The following BLZF1 variants were observed in gnomAD, a reference collection of about 807,000 sequenced individuals.
BLZF1 encodes the protein basic leucine zipper nuclear factor 1.
In BLZF1, 39 loss-of-function variants were observed where a neutral mutation model predicts 43.8. The ratio of observed to expected loss-of-function variants is 0.89; its 90% confidence interval spans 0.69 to 1.16. The LOEUF (loss-of-function observed/expected upper bound fraction) is 1.16. Among genes scored for constraint, BLZF1 ranks in the 50% most tolerant of loss-of-function variants. The pLI is 0.00. For missense variants in BLZF1, 449 were observed against 469.8 expected, an observed-to-expected ratio of 0.96 and a Z score of 0.41; for synonymous variants, 136 against 159.4, an observed-to-expected ratio of 0.85 and a Z score of 1.11.
chr1:169,374,902 CTTAT>C (rs1654246580), intron 2 of BLZF1, among the ~76,000 whole-genome samples: 1 of 151,972 alleles, frequency 6.6e-6, no homozygotes, highest in Admixed American at 6.6e-5. Context: ...TACATGTATT[CTTAT>C]TTATTTTTAA....
At chr1:169,389,076 C>A (rs1404814065), downstream of BLZF1, among the ~76,000 whole-genome samples, 9 of 151,788 alleles carry the variant, frequency 5.9e-5, no homozygotes, top group Admixed American at 5.9e-4. Context: ...GAGCCGAGAT[C>A]GCGCCGCTGC....
chr1:169,394,463 AC>A (rs773323059), intron 7 of BLZF1, among the ~76,000 whole-genome samples: 47 of 152,014 alleles, frequency 3.1e-4, no homozygotes, highest in Non-Finnish European at 5.7e-4. Context: ...TAGTTTTTCA[AC>A]CCTTGCTCCC....
intron 2 of BLZF1, among the ~76,000 whole-genome samples, chr1:169,373,937 C>T (rs770695349): frequency 2.0e-5 from 3 of 151,966 alleles, no homozygotes; most frequent in Non-Finnish European, 4.4e-5. Context: ...GGCTGTAGTG[C>T]GTGTTTTTAT....
At position 169,382,066 on chromosome 1, in the gene BLZF1, T is replaced by C. The variant is rs748749868; in HGVS notation, c.802T>C (p.Leu268=). The C allele has an allele frequency of 1.9e-6, 3 of 1,612,864 alleles. No individual in the cohort carries two copies. The highest frequency in any genetic ancestry group is 2.2e-5 in the South Asian group (2 of 90,996). ...GTTCATGTGTGTTCTATGCAGATTA[T>C]TGGAGGAGCTCTTAGTTTCCTTGCA... The part of the protein sequence containing the change: ...RQEMIATQKL[L]EELLVSLQWG... Residue 268 remains leucine, a synonymous_variant, in exon 6 of 7, where the codon TTG becomes CTG. Coordinates refer to ENST00000367808, the MANE Select transcript of BLZF1 (RefSeq NM_001320973.2).
intron 2 of BLZF1, among the ~76,000 whole-genome samples, chr1:169,370,645 C>A (rs958537616): frequency 2.0e-5 from 3 of 152,180 alleles, no homozygotes; most frequent in African/African-American, 7.2e-5. Flanking sequence ...GTAGCTATTT[C>A]AATCATTGAA....
chr1:169,385,064 TG>T (rs1372526180), intron 6 of BLZF1, among the ~76,000 whole-genome samples: 11 of 152,228 alleles, frequency 7.2e-5, no homozygotes, highest in Non-Finnish European at 1.2e-4. Flanking sequence ...CAGTAGCATT[TG>T]GTATAGTTGA....
chr1:169,387,314 AT>A lies in BLZF1; in HGVS notation c.*136del. ...TTACATAATGTATACACCCAAAGAT[AT>A]TTTATGTACTAGACTCCAGATTACC... On this transcript the variant is annotated 3_prime_UTR_variant, in exon 7 of 7. Coordinates refer to ENST00000367808, the MANE Select transcript of BLZF1 (RefSeq NM_001320973.2). 1 of 764,584 alleles carries A rather than the reference AT, an allele frequency of 1.3e-6. No homozygotes were observed. Among genetic ancestry groups the A allele is most frequent in the Non-Finnish European group, 2.0e-6 (1 of 492,402 alleles). 47.4% of individuals were successfully genotyped at this position (764,584 alleles called of 1,614,324 possible). A position where few individuals can be genotyped will look rare whatever the true frequency, so the allele number is the denominator to read the frequency against.
chr1:169,370,213 G>GA (rs530427771), intron 2 of BLZF1, among the ~76,000 whole-genome samples: 4 of 152,056 alleles, frequency 2.6e-5, no homozygotes, highest in African/African-American at 9.7e-5. Flanking sequence ...CAGTCATATT[G>GA]AAAAAAGGAA....
At chr1:169,374,604 G>T (rs1654237155) in intron 2 of BLZF1, among the ~76,000 whole-genome samples, 1 of 152,054 alleles carries the variant, frequency 6.6e-6, no homozygotes, top group African/African-American at 2.4e-5. Context: ...TCCACCTCCT[G>T]TCTAATTAAC....
chr1:169,381,748 C>T (rs1417655500), intron 5 of BLZF1, among the ~76,000 whole-genome samples: 1 of 151,992 alleles, frequency 6.6e-6, no homozygotes, highest in Non-Finnish European at 1.5e-5. Context: ...ATGTAACTCA[C>T]CAAAAAAGAA....
At chr1:169,376,110 A>G (rs570848562) in intron 2 of BLZF1, among the ~76,000 whole-genome samples, 1 of 152,112 alleles carries the variant, frequency 6.6e-6, no homozygotes, top group African/African-American at 2.4e-5. Context: ...TATGATGTAG[A>G]TGGTTTCAAA....
chr1:169,377,974 A>C (rs1654411915), intron 3 of BLZF1, among the ~76,000 whole-genome samples: 1 of 152,058 alleles, frequency 6.6e-6, no homozygotes, highest in Admixed American at 6.6e-5. Flanking sequence ...TTTAATAAAA[A>C]ACATAAAACA....
intron 1 of BLZF1, 48 bp from the exon 2 acceptor site, chr1:169,369,421 CTATG>C: frequency 1.1e-6 from 1 of 911,262 alleles, no homozygotes; most frequent in South Asian, 1.8e-5. Context: ...TGGAGGTACT[CTATG>C]TGTTTATATG....
At position 169,380,601 on chromosome 1, in the gene BLZF1, T is replaced by C. The variant is rs761752160; in HGVS notation, c.789T>C (p.Ala263=). The change falls in exon 5 of 7, where the codon GCT becomes GCC. Residue 263 remains alanine (A), a synonymous_variant. Transcript: ENST00000367808. ...AACAGTTTCGTCAAGAAATGATAGC[T>C]ACCCAGAAGTATGGCACTTGTTTAC... ...EREQFRQEMI[A]TQKLLEELLV... is the part of the protein sequence containing the mutation. 6.2e-7 allele frequency: 1 copy of C among 1,612,618 alleles called. No homozygotes were observed. Among genetic ancestry groups the C allele is most frequent in the Non-Finnish European group, 8.5e-7 (1 of 1,178,886 alleles).
rs1049600274 is a variant in BLZF1 at position 169,378,438 on chromosome 1, G to A, written c.577G>A (p.Ala193Thr). The A allele has an allele frequency of 6.2e-7, 1 of 1,612,886 alleles. No individual in the cohort carries two copies. The highest frequency in any genetic ancestry group is 1.1e-5 in the South Asian group (1 of 91,056). Residue 193 changes from alanine to threonine, a missense_variant, in exon 4 of 7, where the codon GCC becomes ACC. Physicochemically the swap from Ala to Thr is moderately conservative, Grantham distance 58 (BLOSUM62 0). Transcript: ENST00000367808. ...EKNQLILENE[A>T]LGRNTAQLSE... ...AAATCAGCTTATTTTAGAAAATGAA[G>A]CCCTAGGTCGAAACACAGCTCAGCT...
chr1:169,383,435 C>G (rs577157127), intron 6 of BLZF1, among the ~76,000 whole-genome samples: 1 of 152,156 alleles, frequency 6.6e-6, no homozygotes, highest in Non-Finnish European at 1.5e-5. Context: ...AATCTTCCCT[C>G]TATTGTAAGA....
intron 3 of BLZF1, 136 bp downstream of exon 3, chr1:169,377,115 T>C (rs2102011777): frequency 1.3e-6 from 1 of 748,802 alleles, no homozygotes; most frequent in East Asian, 2.7e-5. Context: ...ATGCTTCCTC[T>C]TAAATTTCTC....
At chr1:169,390,979 T>C (rs1033507349), downstream of BLZF1, among the ~76,000 whole-genome samples, 2 of 152,194 alleles carry the variant, frequency 1.3e-5, no homozygotes, top group Non-Finnish European at 2.9e-5. Flanking sequence ...CTAAAAATTA[T>C]ATTTTCCTTC....
chr1:169,382,510 A>G (rs1014319362), intron 6 of BLZF1, among the ~76,000 whole-genome samples: 2 of 152,216 alleles, frequency 1.3e-5, no homozygotes, highest in South Asian at 2.1e-4. Context: ...GTTTTGAAAG[A>G]GGTCCTATGT....
Sources: allele counts gnomAD v4.1 joint callset (sites outside exome capture counted in the v4.1 genomes callset), GRCh38; gene constraint gnomAD v4.1.1; transcripts MANE v1.5; gene names NCBI Gene and HGNC (gene_info 2026-07-23, HGNC 2026-07-21).